The following STK33 variants were observed in gnomAD, a reference collection of about 807,000 sequenced individuals.
STK33 encodes serine/threonine-protein kinase 33.
In STK33, 52 loss-of-function variants were observed where a neutral mutation model predicts 58.0. The ratio of observed to expected loss-of-function variants is 0.90; its 90% CI spans 0.72 to 1.13. The LOEUF (loss-of-function observed/expected upper bound fraction) is 1.13. Ranked by LOEUF, STK33 falls within the 50% of genes most tolerant of loss-of-function variation. STK33 has a pLI of 0.00. For missense variants in STK33, 630 were observed against 604.2 expected (o/e 1.04, Z -0.45); for synonymous variants, 215 against 200.1 (o/e 1.07, Z -0.63).
At chr11:8,520,064 C>A (rs547619043) in intron 1 of STK33, among the ~76,000 whole-genome samples, 4 of 152,136 alleles carry the variant, frequency 2.6e-5, no homozygotes, top group Non-Finnish European at 5.9e-5. Context: ...AGACCAATAT[C>A]CCTCATGAAC....
the STK33 span, among the ~76,000 whole-genome samples, chr11:8,341,354 G>C: frequency 2.0e-5 from 3 of 152,186 alleles, no homozygotes; most frequent in African/African-American, 7.2e-5. Flanking sequence ...GCCTTCTACT[G>C]CCCTCACCCC....
intron 1 of STK33, among the ~76,000 whole-genome samples, chr11:8,525,057 AAGAT>A (rs558713837): frequency 5.9e-5 from 9 of 152,186 alleles, no homozygotes; most frequent in South Asian, 2.1e-4. Context: ...ATCTAACAAA[AAGAT>A]AGAACTTTAA....
At chr11:8,441,854 G>C (rs1450121802) in intron 11 of STK33, among the ~76,000 whole-genome samples, 1 of 152,062 alleles carries the variant, frequency 6.6e-6, no homozygotes, top group Non-Finnish European at 1.5e-5. Flanking sequence ...AGTATGTTAA[G>C]AATTCTGTGA....
chr11:8,383,436 G>A, the STK33 span, among the ~76,000 whole-genome samples: 2 of 152,226 alleles, frequency 1.3e-5, no homozygotes, highest in South Asian at 2.1e-4. Context: ...CCAGGAACGT[G>A]TCATCAGAGG....
At chr11:8,410,994 G>A (rs1940145703) in intron 15 of STK33, among the ~76,000 whole-genome samples, 1 of 152,160 alleles carries the variant, frequency 6.6e-6, no homozygotes, top group Non-Finnish European at 1.5e-5. Flanking sequence ...TATGAATAAT[G>A]AAAGCATATA....
intron 2 of STK33, among the ~76,000 whole-genome samples, chr11:8,478,840 G>A (rs1649652589): frequency 6.6e-6 from 1 of 151,960 alleles, no homozygotes; most frequent in African/African-American, 2.4e-5. Flanking sequence ...CCTAAAGAAG[G>A]GCCCAGTGAG....
chr11:8,512,228 T>C (rs1027251507), intron 1 of STK33, among the ~76,000 whole-genome samples: 2 of 152,282 alleles, frequency 1.3e-5, no homozygotes, highest in South Asian at 2.1e-4. Flanking sequence ...CTGACAAAAA[T>C]TTACATAATG....
intron 1 of STK33, among the ~76,000 whole-genome samples, chr11:8,553,410 T>C (rs892971704): frequency 6.6e-6 from 1 of 151,454 alleles, no homozygotes; most frequent in Non-Finnish European, 1.5e-5. Flanking sequence ...AACACCTGAG[T>C]GATGTGTTGC....
intron 11 of STK33, among the ~76,000 whole-genome samples, chr11:8,446,148 T>C (rs577607812): frequency 6.6e-6 from 1 of 152,334 alleles, no homozygotes; most frequent in African/African-American, 2.4e-5. Context: ...TCTTCTAGAT[T>C]TTCTACTTTA....
chr11:8,400,368 C>T (rs529001568), intron 15 of STK33, among the ~76,000 whole-genome samples: 2,124 of 152,192 alleles, frequency 0.014, 55 homozygotes, highest in African/African-American at 0.05. Flanking sequence ...ATGACAAAAA[C>T]CATATGATTA....
At chr11:8,547,460 C>T (rs1030751414) in intron 1 of STK33, among the ~76,000 whole-genome samples, 6 of 152,136 alleles carry the variant, frequency 3.9e-5, no homozygotes, top group Admixed American at 3.3e-4. Context: ...GTGATCTGCC[C>T]GTCTCAGCCT....
chr11:8,423,683 T>C (rs1942279865), intron 14 of STK33, among the ~76,000 whole-genome samples: 1 of 152,072 alleles, frequency 6.6e-6, no homozygotes, highest in African/African-American at 2.4e-5. Context: ...AACATGTACA[T>C]TCTCTAATTA....
intron 1 of STK33, among the ~76,000 whole-genome samples, chr11:8,552,091 C>G (rs933801771): frequency 1.3e-5 from 2 of 152,224 alleles, no homozygotes; most frequent in African/African-American, 2.4e-5. Context: ...AGGCTTCTCA[C>G]AAAGATTCCA....
intron 9 of STK33, among the ~76,000 whole-genome samples, chr11:8,455,622 C>A (rs1025274096): frequency 1.3e-5 from 2 of 151,000 alleles, no homozygotes; most frequent in African/African-American, 4.9e-5. Flanking sequence ...TCCTGGCTAA[C>A]ACGTTGAAAC....
At chr11:8,536,956 A>T (rs1478094524) in intron 1 of STK33, among the ~76,000 whole-genome samples, 4 of 134,494 alleles carry the variant, frequency 3.0e-5, no homozygotes, top group African/African-American at 8.0e-5. Flanking sequence ...TAATTAAAAA[A>T]AAAAAAAAAA....
chr11:8,576,982 A>G (rs772988105), intron 1 of STK33, among the ~76,000 whole-genome samples: 8 of 152,148 alleles, frequency 5.3e-5, no homozygotes, highest in Non-Finnish European at 1.0e-4. Context: ...ATTATATGCT[A>G]TAAGTGATCC....
intron 1 of STK33, among the ~76,000 whole-genome samples, chr11:8,553,196 ATGGTG>A (rs551453159): frequency 0.035 from 2,272 of 65,280 alleles, 80 homozygotes; most frequent in East Asian, 0.048. Context: ...ATATATATAT[ATGGTG>A]TATATATATA....
chr11:8,558,066 T>A (rs767449043), intron 1 of STK33, among the ~76,000 whole-genome samples: 3 of 152,140 alleles, frequency 2.0e-5, no homozygotes, highest in Non-Finnish European at 2.9e-5. Context: ...CCTAACCAAC[T>A]GCCAACAAGG....
intron 6 of STK33, among the ~76,000 whole-genome samples, chr11:8,470,691 A>C (rs1159193349): frequency 6.6e-6 from 1 of 152,124 alleles, no homozygotes; most frequent in Admixed American, 6.6e-5. Flanking sequence ...CAGGGTTATT[A>C]ATTGTCCTAA....
Sources: gnomAD v4.1 joint callset for allele counts (sites outside exome capture counted in the v4.1 genomes callset) on GRCh38, gnomAD v4.1.1 for gene constraint, MANE v1.5 for transcripts, NCBI Gene and HGNC (gene_info 2026-07-23, HGNC 2026-07-21) for gene names.